Variants in C8orf34 observed in about 807,000 individuals in gnomAD.
The protein encoded by C8orf34 is chromosome 8 open reading frame 34, also known as uncharacterized protein C8orf34.
In C8orf34, 65 loss-of-function variants were observed where a neutral mutation model predicts 68.3. That is an observed-to-expected ratio of 0.95 (90% confidence interval 0.78 to 1.17). The LOEUF is 1.17. Among genes scored for constraint, C8orf34 ranks in the 50% most tolerant of loss-of-function variants. The pLI, the probability that C8orf34 is intolerant of heterozygous loss-of-function variation, is 0.00. For synonymous variants in C8orf34, 244 were observed against 241.2 expected, an observed-to-expected ratio of 1.01 and a Z score of -0.11; for missense variants, 664 against 655.4, an observed-to-expected ratio of 1.01 and a Z score of -0.14.
At chr8:68,532,333 G>T (rs113645895) in intron 6 of C8orf34, among the ~76,000 whole-genome samples, 2 of 152,036 alleles carry the variant, frequency 1.3e-5, no homozygotes, top group Non-Finnish European at 2.9e-5. Flanking sequence ...TGGAAGTAAG[G>T]TATCTATACT....
chr8:68,662,630 G>A (rs888115002), intron 8 of C8orf34, among the ~76,000 whole-genome samples: 15 of 152,182 alleles, frequency 9.9e-5, no homozygotes, highest in Non-Finnish European at 2.2e-4. Context: ...CAGCTATGTG[G>A]AACCGTGAGT....
At chr8:68,358,956 C>T (rs1458305477) in intron 1 of C8orf34, among the ~76,000 whole-genome samples, 1 of 152,056 alleles carries the variant, frequency 6.6e-6, no homozygotes, top group African/African-American at 2.4e-5. Context: ...ACTTCGGCCT[C>T]CCAAAGTGCT....
At chr8:68,470,365 T>G (rs148512898) in intron 4 of C8orf34, among the ~76,000 whole-genome samples, 1 of 152,140 alleles carries the variant, frequency 6.6e-6, no homozygotes, top group Non-Finnish European at 1.5e-5. Flanking sequence ...ACATGGTCAA[T>G]CAACTTTTGT....
intron 7 of C8orf34, among the ~76,000 whole-genome samples, chr8:68,621,959 C>T (rs1316029004): frequency 6.6e-6 from 1 of 152,220 alleles, no homozygotes; most frequent in Non-Finnish European, 1.5e-5. Context: ...GGGTCTTCTA[C>T]TTCAGGCCAT....
At chr8:68,677,468 C>T (rs1585714819) in intron 8 of C8orf34, among the ~76,000 whole-genome samples, 1 of 152,088 alleles carries the variant, frequency 6.6e-6, no homozygotes. Context: ...AAACAATCCT[C>T]CCACCTCAGC....
chr8:68,460,992 C>T (rs560313933), intron 3 of C8orf34, among the ~76,000 whole-genome samples: 2 of 152,274 alleles, frequency 1.3e-5, no homozygotes, highest in Non-Finnish European at 2.9e-5. Flanking sequence ...TCAAACTACT[C>T]CGAGCTACAG....
At chr8:68,547,765 T>G (rs180795259) in intron 7 of C8orf34, among the ~76,000 whole-genome samples, 1 of 151,788 alleles carries the variant, frequency 6.6e-6, no homozygotes, top group Admixed American at 6.6e-5. Context: ...GAAAGAACAA[T>G]GTCATCAGTG....
intron 8 of C8orf34, among the ~76,000 whole-genome samples, chr8:68,670,210 CAAG>C (rs964031192): frequency 2.6e-5 from 4 of 152,164 alleles, no homozygotes; most frequent in Non-Finnish European, 5.9e-5. Flanking sequence ...TGAACTAAAA[CAAG>C]AAGGCCTCAG....
At chr8:68,698,443 C>T (rs1392290484) in intron 8 of C8orf34, among the ~76,000 whole-genome samples, 3 of 152,030 alleles carry the variant, frequency 2.0e-5, no homozygotes, top group Non-Finnish European at 4.4e-5. Flanking sequence ...GCTGAGTTTG[C>T]TTTTAGCCAC....
chr8:68,516,100 A>G (rs990222277), intron 5 of C8orf34, among the ~76,000 whole-genome samples: 5 of 152,090 alleles, frequency 3.3e-5, no homozygotes, highest in African/African-American at 7.2e-5. Context: ...TCCAAACCTT[A>G]AGAGTTCATA....
At position 68,505,738 on chromosome 8, in the gene C8orf34, C is replaced by CAA. The variant is rs778441254; in HGVS notation, c.766-16043_766-16042dup. On this transcript the variant is annotated intron_variant, in intron 5 of 13. Coordinates refer to ENST00000518698, the MANE Select transcript of C8orf34 (RefSeq NM_052958.4). ...GGGCGACAGAGCGAGACTCCGTCTC[C>CAA]AAAAAAAAAAAAAAAAAAAGAATGA... Among the ~76,000 whole-genome samples the CAA allele has an allele frequency of 6.4e-4, 44 of 68,296 alleles. 4 individuals carry two copies. The highest frequency in any genetic ancestry group is 8.9e-4 in the Non-Finnish European group (27 of 30,368). 44.8% of individuals were successfully genotyped at this position (68,296 alleles called of 152,430 possible).
At chr8:68,534,622 T>C in intron 7 of C8orf34, 1 of 985,464 alleles carries the variant, frequency 1.0e-6, no homozygotes, top group East Asian at 1.1e-4. Flanking sequence ...AGCAAATAGA[T>C]GTAAGCTCAG....
intron 12 of C8orf34, among the ~76,000 whole-genome samples, chr8:68,813,155 A>C (rs1563683925): frequency 1.3e-5 from 2 of 152,142 alleles, no homozygotes; most frequent in African/African-American, 4.8e-5. Context: ...TTATTTTCAG[A>C]GTTGATGGCC....
intron 8 of C8orf34, among the ~76,000 whole-genome samples, chr8:68,643,228 C>A (rs895953393): frequency 7.9e-5 from 12 of 152,200 alleles, no homozygotes; most frequent in African/African-American, 1.2e-4. Context: ...ATTATCAAAG[C>A]TTTCCATCAT....
chr8:68,585,712 A>G (rs889705973), intron 7 of C8orf34, among the ~76,000 whole-genome samples: 11 of 152,050 alleles, frequency 7.2e-5, no homozygotes, highest in African/African-American at 1.9e-4. Flanking sequence ...GGTCACTCAC[A>G]TGGCTGCTAA....
chr8:68,756,342 A>G (rs1011546020), intron 10 of C8orf34, among the ~76,000 whole-genome samples: 2 of 152,188 alleles, frequency 1.3e-5, no homozygotes, highest in African/African-American at 4.8e-5. Context: ...AATTCACTCT[A>G]TTTTGAAAAG....
At chr8:68,815,295 T>C (rs1193435634) in intron 12 of C8orf34, among the ~76,000 whole-genome samples, 1 of 152,164 alleles carries the variant, frequency 6.6e-6, no homozygotes, top group African/African-American at 2.4e-5. Flanking sequence ...GAATCACATT[T>C]AGCCTATAAT....
At chr8:68,591,897 T>G (rs1817399974) in intron 7 of C8orf34, among the ~76,000 whole-genome samples, 2 of 152,204 alleles carry the variant, frequency 1.3e-5, no homozygotes, top group African/African-American at 4.8e-5. Flanking sequence ...TTTCATGAAC[T>G]CCGCTGTCTT....
At chr8:68,334,153 A>G (rs993518355) in intron 1 of C8orf34, among the ~76,000 whole-genome samples, 2 of 152,150 alleles carry the variant, frequency 1.3e-5, no homozygotes, top group Non-Finnish European at 2.9e-5. Context: ...GATGCTTATT[A>G]AAGTGTTACA....
Sources: allele counts gnomAD v4.1 joint callset (sites outside exome capture counted in the v4.1 genomes callset), GRCh38; gene constraint gnomAD v4.1.1; transcripts MANE v1.5; gene names NCBI Gene and HGNC (gene_info 2026-07-23, HGNC 2026-07-21).